The following HSCB variants were observed in gnomAD, a reference collection of about 807,000 sequenced individuals.
HSCB encodes HscB mitochondrial iron-sulfur cluster cochaperone, also known as iron-sulfur cluster co-chaperone protein HscB.
HSCB carries 23 observed loss-of-function variants against 31.3 expected under a neutral mutation model. The ratio of observed to expected loss-of-function variants is 0.74; its 90% confidence interval spans 0.53 to 1.04. HSCB has a LOEUF of 1.04. HSCB is among the 50% of genes least tolerant of loss of function. HSCB has a pLI of 0.00. For synonymous variants in HSCB, 110 were observed against 104.5 expected, an observed-to-expected ratio of 1.05 and a Z score of -0.32; for missense variants, 297 against 288.1, an observed-to-expected ratio of 1.03 and a Z score of -0.22.
At chr22:28,746,569 G>A (rs1038058460) in intron 4 of HSCB, among the ~76,000 whole-genome samples, 2 of 151,098 alleles carry the variant, frequency 1.3e-5, no homozygotes, top group Non-Finnish European at 2.9e-5. Flanking sequence ...CCTGGGCAAC[G>A]TGGCGAAACC....
chr22:28,747,789 G>A (rs764791580), intron 4 of HSCB, among the ~76,000 whole-genome samples: 50 of 152,232 alleles, frequency 3.3e-4, no homozygotes, highest in Admixed American at 1.3e-3. Context: ...GATACAGCAC[G>A]GAACAAGAAA....
At chr22:28,755,886 G>GACAC (rs1379537547) in intron 5 of HSCB, among the ~76,000 whole-genome samples, 10 of 152,090 alleles carry the variant, frequency 6.6e-5, no homozygotes, top group Non-Finnish European at 1.3e-4. Context: ...TCCCAGCTGT[G>GACAC]ACAACCAAAA....
chr22:28,751,934 A>G (rs1268828893), intron 5 of HSCB, among the ~76,000 whole-genome samples: 1 of 151,378 alleles, frequency 6.6e-6, no homozygotes, highest in East Asian at 1.9e-4. Context: ...TACTAAAAAT[A>G]CAAAAATTAA....
At chr22:28,747,495 T>C (rs1164802478) in intron 4 of HSCB, among the ~76,000 whole-genome samples, 1 of 151,850 alleles carries the variant, frequency 6.6e-6, no homozygotes, top group Non-Finnish European at 1.5e-5. Flanking sequence ...ACAGATGGGG[T>C]TTCACCATGT....
chr22:28,744,097 G>T, intron 2 of HSCB, 119 bp downstream of exon 2: 1 of 816,506 alleles, frequency 1.2e-6, no homozygotes, highest in Non-Finnish European at 2.1e-6. Context: ...CTGCCCCATG[G>T]CAGTCTGACC....
chr22:28,751,412 ACTTATGAG>A, intron 5 of HSCB, 124 bp downstream of exon 5: 1 of 564,936 alleles, frequency 1.8e-6, no homozygotes, highest in East Asian at 3.1e-5. Flanking sequence ...GATATGAAAT[ACTTATGAG>A]TCTACATTTC....
At position 28,757,302 on chromosome 22, in the gene HSCB, T is replaced by C. The variant is rs2030670883; in HGVS notation, c.*133T>C. On this transcript the variant is annotated 3_prime_UTR_variant, in exon 6 of 6. Coordinates refer to ENST00000216027, the MANE Select transcript of HSCB (RefSeq NM_172002.5). The stretch of plus-strand genomic sequence containing the variant: ...GAGTTCAAGACCAGCTTGGCCAACA[T>C]AGTGAAACCCCGTCTCTGCTGAAAA... The C allele has an allele frequency of 3.9e-6, 2 of 516,488 alleles. No homozygotes were observed. The highest frequency in any genetic ancestry group is 3.9e-5 in the African/African-American group (2 of 50,974). The allele number at this position is 516,488 out of a possible 1,614,324, so 32.0% of individuals were successfully genotyped here.
At chr22:28,744,367 CAG>C (rs1453418630) in intron 2 of HSCB, among the ~76,000 whole-genome samples, 4 of 152,164 alleles carry the variant, frequency 2.6e-5, no homozygotes, top group African/African-American at 9.7e-5. Flanking sequence ...GCCTGGCCAA[CAG>C]GGTGAAACCC....
chr22:28,747,831 A>G (rs2029936495), intron 4 of HSCB, among the ~76,000 whole-genome samples: 1 of 152,082 alleles, frequency 6.6e-6, no homozygotes, highest in Non-Finnish European at 1.5e-5. Context: ...ATATATGTCA[A>G]CTGTACCCAA....
intron 4 of HSCB, among the ~76,000 whole-genome samples, chr22:28,750,057 C>A (rs1247762066): frequency 6.6e-6 from 1 of 151,880 alleles, no homozygotes; most frequent in Non-Finnish European, 1.5e-5. Flanking sequence ...CAAGACCACC[C>A]TGACCAACAT....
chr22:28,743,451 A>G (rs1284108812), intron 1 of HSCB, among the ~76,000 whole-genome samples: 1 of 152,194 alleles, frequency 6.6e-6, no homozygotes, highest in Non-Finnish European at 1.5e-5. Context: ...AATCTGACTA[A>G]AGTTTGGCCA....
intron 5 of HSCB, among the ~76,000 whole-genome samples, chr22:28,753,655 G>A (rs772730903): frequency 5.3e-5 from 8 of 151,176 alleles, no homozygotes; most frequent in Non-Finnish European, 7.4e-5. Context: ...TAGCTAACAC[G>A]GTGAAACCCC....
At chr22:28,744,823 C>T (rs551098938) in intron 3 of HSCB, 119 bp downstream of exon 3, 32 of 789,036 alleles carry the variant, frequency 4.1e-5, no homozygotes, top group Non-Finnish European at 6.6e-5. Context: ...TGGCTCACAC[C>T]TGTAATCCCA....
At chr22:28,756,521 T>G (rs1413020187) in intron 5 of HSCB, among the ~76,000 whole-genome samples, 11 of 150,768 alleles carry the variant, frequency 7.3e-5, no homozygotes, top group Non-Finnish European at 1.5e-4. Context: ...CAGGTTGAAG[T>G]ACAGTGGCAC....
In HSCB at chr22:28,745,961, A is replaced by C. The variant is rs960264680; in HGVS notation, c.521A>C (p.Glu174Ala). Residue 174 changes from glutamate to alanine, a missense_variant, in exon 4 of 6, where the codon GAA becomes GCA. By Grantham distance (107) the Glu-to-Ala change is moderately radical (BLOSUM62 -1). Coordinates refer to ENST00000216027, the MANE Select transcript of HSCB (RefSeq NM_172002.5). ...EIMEINEKLA[E>A]AESEAAMKEI... ...ATGGAAATCAATGAAAAACTCGCAG[A>C]AGCTGAAAGTGAAGCTGCCATGAAA... 7.4e-6 allele frequency: 12 copies of C among 1,613,826 alleles called. No homozygotes were observed. Among genetic ancestry groups the C allele is most frequent in the Non-Finnish European group, 9.3e-6 (11 of 1,179,934 alleles).
intron 1 of HSCB, chr22:28,742,567 C>G: frequency 3.3e-5 from 15 of 461,500 alleles, no homozygotes; most frequent in South Asian, 3.1e-4. Context: ...ACTGGAGGGG[C>G]GGGCGCTGAA....
At position 28,750,945 on chromosome 22, in the gene HSCB, C is replaced by CTTTTTTTTTT. The variant is rs758451182; in HGVS notation, c.569-281_569-272dup. Among the ~76,000 whole-genome samples the CTTTTTTTTTT allele has an allele frequency of 6.2e-4, 35 of 56,438 alleles. 2 individuals are homozygous for CTTTTTTTTTT. The highest frequency in any genetic ancestry group is 1.6e-3 in the Admixed American group (7 of 4,436). The allele number at this position is 56,438 out of a possible 152,430, so 37.0% of individuals were successfully genotyped here. ...GGAGATAATCAAAGTATATCTTTGT[C>CTTTTTTTTTT]TTTTTTTTTTTTTTTTTTTTTTTTA... On this transcript the variant is annotated intron_variant, in intron 4 of 5. Coordinates refer to ENST00000216027, the MANE Select transcript of HSCB (RefSeq NM_172002.5).
chr22:28,746,345 C>CACTCCAGCCTGGGCGACAGAGCGAG (rs1569184493), intron 4 of HSCB, among the ~76,000 whole-genome samples: 12 of 138,382 alleles, frequency 8.7e-5, no homozygotes, highest in African/African-American at 3.3e-4. Context: ...CAGGCCACTG[C>CACTCCAGCCTGGGCGACAGAGCGAG]ACTCCAGCCT....
intron 4 of HSCB, among the ~76,000 whole-genome samples, chr22:28,750,832 G>A (rs1000674038): frequency 2.0e-5 from 3 of 151,806 alleles, no homozygotes; most frequent in Non-Finnish European, 2.9e-5. Context: ...AGTGGTTGCC[G>A]GAAACACTCA....
Sources: gnomAD v4.1 joint callset for allele counts (sites outside exome capture counted in the v4.1 genomes callset) on GRCh38, gnomAD v4.1.1 for gene constraint, MANE v1.5 for transcripts, NCBI Gene and HGNC (gene_info 2026-07-23, HGNC 2026-07-21) for gene names.